TMCC3: variants seen among roughly 807,000 people sequenced by gnomAD.
TMCC3 encodes transmembrane and coiled-coil domain family 3, also known as transmembrane and coiled-coil domain protein 3.
A neutral mutation model predicts 40.2 loss-of-function variants in TMCC3; 28 were observed. That is an observed-to-expected ratio of 0.70 (90% CI 0.52 to 0.95). The LOEUF (loss-of-function observed/expected upper bound fraction) is 0.95. Among genes scored for constraint, TMCC3 ranks in the 40% least tolerant of loss-of-function variants. The pLI is 0.00. For missense variants in TMCC3, 554 were observed against 615.2 expected (o/e 0.90, Z 1.05); for synonymous variants, 255 against 248.5 (o/e 1.03, Z -0.25).
chr12:94,573,214 C>G lies in TMCC3; in HGVS notation c.1132-1477G>C, dbSNP rs191112336. Reference sequence around the variant, plus strand: ...AGCCTAACGGGCATACCCTGATACCCTTCTCATCCAACCCGTCGCCCAGCC... The same window carrying G: ...AGCCTAACGGGCATACCCTGATACCGTTCTCATCCAACCCGTCGCCCAGCC... On this transcript the variant is annotated intron_variant, in intron 3 of 3. Coordinates refer to ENST00000261226, the MANE Select transcript of TMCC3 (RefSeq NM_020698.4). 7.1e-4 allele frequency among the ~76,000 whole-genome samples: 89 copies of G among 124,538 alleles called. 1 individual carries two copies. In the East Asian group the frequency reaches 0.016, roughly 23 times the overall value. 81.7% of individuals were successfully genotyped at this position (124,538 alleles called of 152,430 possible).
intron 1 of TMCC3, among the ~76,000 whole-genome samples, chr12:94,594,198 A>AATATATATATATATATATATATATAT (rs59083165): frequency 2.5e-4 from 36 of 145,474 alleles, no homozygotes; most frequent in African/African-American, 8.3e-4. Flanking sequence ...TTTAAATTTA[A>AATATATATATATATATATATATATAT]ATATATATAT....
Position 94,570,798 on chromosome 12 carries a change from T to C in TMCC3, c.*637A>G, listed in dbSNP as rs979877024. 5.9e-5 allele frequency: 9 copies of C among 152,810 alleles called. No homozygotes were observed. The highest frequency in any genetic ancestry group is 2.2e-4 in the African/African-American group (9 of 41,448). The allele number at this position is 152,810 out of a possible 1,614,324, so 9.5% of individuals were successfully genotyped here. On this transcript the variant is annotated 3_prime_UTR_variant, in exon 4 of 4. Transcript: ENST00000261226. ...TGAAAGCCCCATTCATAAATCCCTA[T>C]GCCTTCCCATTTAAAGTGTAACAAA... is the stretch of plus-strand genomic sequence containing the variant.
intron 1 of TMCC3, among the ~76,000 whole-genome samples, chr12:94,612,564 C>T (rs2068822902): frequency 6.6e-6 from 1 of 152,106 alleles, no homozygotes; most frequent in African/African-American, 2.4e-5. Flanking sequence ...CCCGCCTCGG[C>T]CCCCAAAGTG....
At chr12:94,586,720 A>C (rs2068640478) in intron 1 of TMCC3, among the ~76,000 whole-genome samples, 1 of 152,232 alleles carries the variant, frequency 6.6e-6, no homozygotes, top group Non-Finnish European at 1.5e-5. Context: ...GCAAAGCCTC[A>C]TGCTCTCACA....
At chr12:94,602,726 T>C (rs1156732836) in intron 1 of TMCC3, among the ~76,000 whole-genome samples, 1 of 152,162 alleles carries the variant, frequency 6.6e-6, no homozygotes, top group Non-Finnish European at 1.5e-5. Context: ...TAACCGAGGC[T>C]ACAGGAGTGC....
chr12:94,620,737 T>C (rs181242497), intron 1 of TMCC3, among the ~76,000 whole-genome samples: 3 of 152,192 alleles, frequency 2.0e-5, no homozygotes, highest in African/African-American at 4.8e-5. Context: ...TAGGCACAAA[T>C]AGAAACTGTA....
chr12:94,600,415 A>G (rs2068746031), intron 1 of TMCC3, among the ~76,000 whole-genome samples: 1 of 151,952 alleles, frequency 6.6e-6, no homozygotes, highest in Non-Finnish European at 1.5e-5. Flanking sequence ...CATCTAGTCT[A>G]TAGGAAGTCA....
chr12:94,583,429 G>A (rs4761485), intron 1 of TMCC3, among the ~76,000 whole-genome samples: 99,258 of 151,490 alleles, frequency 0.66, 33,815 homozygotes, highest in African/African-American at 0.86. Flanking sequence ...ACTTGAACCC[G>A]GAAGGTGGAG....
At chr12:94,579,078 T>G (rs145259828) in intron 2 of TMCC3, among the ~76,000 whole-genome samples, 9 of 152,198 alleles carry the variant, frequency 5.9e-5, no homozygotes, top group African/African-American at 2.2e-4. Flanking sequence ...TAACTGACAA[T>G]ACAAAATTAA....
chr12:94,581,862 C>A lies in TMCC3; in HGVS notation c.755G>T (p.Gly252Val), dbSNP rs1451888005. 6.2e-7 allele frequency: 1 copy of A among 1,614,214 alleles called. No individual in the cohort carries two copies. Among genetic ancestry groups the A allele is most frequent in the South Asian group, 1.1e-5 (1 of 91,082 alleles). Reference sequence around the variant, plus strand: ...GCCACTCGAACATTCATCATCACTGCCATACTTGGGTTTGTTCACGATGGT... The same window carrying A: ...GCCACTCGAACATTCATCATCACTGACATACTTGGGTTTGTTCACGATGGT... ...SATIVNKPKYGSDDECSSGTS... is the reference protein window; with the variant it reads ...SATIVNKPKYVSDDECSSGTS... Residue 252 changes from glycine (G) to valine (V), a missense_variant, in exon 2 of 4, where the codon GGC (glycine) becomes GTC (valine). Physicochemically the swap from Gly to Val is moderately radical, Grantham distance 109. Transcript: ENST00000261226.
At chr12:94,597,166 A>T (rs12321464) in intron 1 of TMCC3, among the ~76,000 whole-genome samples, 6,523 of 89,086 alleles carry the variant, frequency 0.073, 487 homozygotes, top group South Asian at 0.12. Context: ...TATGTATATA[A>T]ATTAGCCAGG....
rs113832903 is a variant in TMCC3, at chr12:94,581,849, T to C, written c.768A>G (p.Glu256=). The C allele has an allele frequency of 1.9e-6, 3 of 1,614,118 alleles. No homozygotes were observed. Among genetic ancestry groups the C allele is most frequent in the East Asian group, 2.2e-5 (1 of 44,882 alleles). Residue 256 remains glutamate (E), a synonymous_variant, in exon 2 of 4, where the codon GAA becomes GAG. Coordinates refer to ENST00000261226, the MANE Select transcript of TMCC3 (RefSeq NM_020698.4). The part of the protein sequence containing the change: ...VNKPKYGSDD[E]CSSGTSGSAD... ...CCGAGCCTGACGTGCCACTCGAACATTCATCATCACTGCCATACTTGGGTT... is the reference window on the plus strand; with the variant it reads ...CCGAGCCTGACGTGCCACTCGAACACTCATCATCACTGCCATACTTGGGTT...
intron 1 of TMCC3, among the ~76,000 whole-genome samples, chr12:94,614,108 A>AAAC (rs1555284729): frequency 6.6e-6 from 1 of 151,668 alleles, no homozygotes. Context: ...AAAAAAAAAA[A>AAAC]AAAAAAAACT....
rs1320913787 is a variant in TMCC3, at chr12:94,569,031, T to C, written c.*2404A>G. ...GGATCACAGGTCTGAGAAGTGTGCA[T>C]TAAAGCACATTTGCTAGGCTGAGCA... On this transcript the variant is annotated 3_prime_UTR_variant, in exon 4 of 4. Transcript: ENST00000261226. 6.6e-6 allele frequency: 1 copy of C among 152,228 alleles called. No individual in the cohort carries two copies. The highest frequency in any genetic ancestry group is 1.5e-5 in the Non-Finnish European group (1 of 68,048). The allele number at this position is 152,228 out of a possible 1,614,324, so 9.4% of individuals were successfully genotyped here. A position where few individuals can be genotyped will look rare whatever the true frequency, so the allele number is the denominator to read the frequency against.
intron 1 of TMCC3, among the ~76,000 whole-genome samples, chr12:94,621,162 G>A (rs976105092): frequency 5.3e-5 from 8 of 152,188 alleles, no homozygotes; most frequent in African/African-American, 1.7e-4. Flanking sequence ...AAGAAACACA[G>A]CACAGAGAAT....
At position 94,650,423 on chromosome 12, in the gene TMCC3, C is replaced by A. The variant is rs1252048328; in HGVS notation, c.8G>T (p.Gly3Val). 1 of 1,298,670 alleles carries A rather than the reference C, an allele frequency of 7.7e-7. No homozygotes were observed. The highest frequency in any genetic ancestry group is 3.3e-5 in the East Asian group (1 of 30,374). 80.4% of individuals were successfully genotyped at this position (1,298,670 alleles called of 1,614,324 possible). A position where few individuals can be genotyped will look rare whatever the true frequency, so the allele number is the denominator to read the frequency against. ...GTCCACGGTGAGCGCCGTGTCGCTG[C>A]CCGGCATCTCCGCGCTCCGGCCGCG... is the stretch of plus-strand genomic sequence containing the variant. MP[G>V]SDTALTVDRT... Residue 3 changes from glycine (G) to valine (V), a missense_variant, in exon 1 of 4, where the codon GGC (glycine) becomes GTC (valine). Coordinates refer to ENST00000261226, the MANE Select transcript of TMCC3 (RefSeq NM_020698.4).
chr12:94,578,146 C>CAAAA (rs1183420863), intron 3 of TMCC3, among the ~76,000 whole-genome samples: 9 of 34,784 alleles, frequency 2.6e-4, no homozygotes, highest in African/African-American at 3.7e-4. Context: ...AGACTCACCT[C>CAAAA]AAAAAAAAAA....
chr12:94,636,785 T>C (rs2068963210), intron 1 of TMCC3, among the ~76,000 whole-genome samples: 1 of 152,256 alleles, frequency 6.6e-6, no homozygotes, highest in South Asian at 2.1e-4. Context: ...GAACAGCCTC[T>C]GGCGGCTGAG....
chr12:94,641,334 C>T (rs556076879), intron 1 of TMCC3, among the ~76,000 whole-genome samples: 54 of 152,196 alleles, frequency 3.5e-4, no homozygotes, highest in African/African-American at 1.2e-3. Flanking sequence ...AATAGAAGGG[C>T]GGTTCAAAGA....
Sources: allele counts gnomAD v4.1 joint callset (sites outside exome capture counted in the v4.1 genomes callset), GRCh38; gene constraint gnomAD v4.1.1; transcripts MANE v1.5; gene names NCBI Gene and HGNC (gene_info 2026-07-23, HGNC 2026-07-21).